Variants in SDK2 observed in about 807,000 individuals in gnomAD.
SDK2 encodes protein sidekick-2.
In SDK2, 105 loss-of-function variants were observed where a neutral mutation model predicts 253.9. That is an observed-to-expected ratio of 0.41 (90% CI 0.35 to 0.49). The LOEUF (loss-of-function observed/expected upper bound fraction) is 0.49. Ranked by LOEUF, SDK2 falls within the 20% of genes least tolerant of loss-of-function variation. The pLI, the probability that SDK2 is intolerant of heterozygous loss-of-function variation, is 0.06. For synonymous variants in SDK2, 1,249 were observed against 1,234.9 expected (o/e 1.01, Z -0.24); for missense variants, 2,608 against 3,003.0 (o/e 0.87, Z 3.07).
At chr17:73,340,244 T>G (rs1337532069) in intron 44 of SDK2, among the ~76,000 whole-genome samples, 1 of 152,200 alleles carries the variant, frequency 6.6e-6, no homozygotes, top group Admixed American at 6.5e-5. Flanking sequence ...ACTCAGTGCA[T>G]TAGGACCGTC....
chr17:73,574,432 T>TGCACGC (rs1203000023), intron 1 of SDK2, among the ~76,000 whole-genome samples: 1 of 152,252 alleles, frequency 6.6e-6, no homozygotes, highest in African/African-American at 2.4e-5. Context: ...CATGTGTACG[T>TGCACGC]GCACACACAA....
intron 40 of SDK2, chr17:73,357,619 G>A (rs1372160638): frequency 3.5e-6 from 1 of 288,504 alleles, no homozygotes; most frequent in Non-Finnish European, 6.6e-6. Context: ...GGCTTTGGAA[G>A]TTCTTGTGAT....
chr17:73,545,199 T>C (rs1430707580), intron 1 of SDK2, among the ~76,000 whole-genome samples: 1 of 151,706 alleles, frequency 6.6e-6, no homozygotes, highest in Non-Finnish European at 1.5e-5. Flanking sequence ...TCCCCTCCCC[T>C]GGAAATCCCT....
chr17:73,343,319 C>T (rs191953311), intron 44 of SDK2, among the ~76,000 whole-genome samples: 8 of 152,370 alleles, frequency 5.3e-5, no homozygotes, highest in African/African-American at 9.6e-5. Context: ...CCTCTTCCCC[C>T]GCTCCGCCTT....
At chr17:73,581,998 G>T (rs2045540980) in intron 1 of SDK2, among the ~76,000 whole-genome samples, 3 of 152,350 alleles carry the variant, frequency 2.0e-5, no homozygotes, top group Middle Eastern at 3.4e-3. Flanking sequence ...CCCAGGGTGA[G>T]ACTTGGGACT....
chr17:73,380,882 AAGG>A lies in SDK2; in HGVS notation c.4762+9_4762+11del, dbSNP rs1488093612. On this transcript the variant is annotated intron_variant, in intron 34 of 44. Transcript: ENST00000392650. ...TGGGCCCGCGATGAAGCCACCATGCAAGGAGACTTACTGTCCAGCTCGTACTGC... is the reference window on the plus strand; with the variant it reads ...TGGGCCCGCGATGAAGCCACCATGCAAGACTTACTGTCCAGCTCGTACTGC... 1 of 1,562,714 alleles carries A rather than the reference AAGG, an allele frequency of 6.4e-7. No individual in the cohort carries two copies.
intron 1 of SDK2, among the ~76,000 whole-genome samples, chr17:73,579,991 GA>G (rs59008482): frequency 0.17 from 21,942 of 127,098 alleles, 1,813 homozygotes; most frequent in East Asian, 0.37. Context: ...AAAGAAAAAA[GA>G]AAAAAAAAAA....
chr17:73,604,079 CG>C (rs1425338342), intron 1 of SDK2, among the ~76,000 whole-genome samples: 3 of 152,246 alleles, frequency 2.0e-5, no homozygotes, highest in African/African-American at 7.2e-5. Context: ...AGGGAACGCC[CG>C]CGCCGGGCAG....
At chr17:73,392,768 G>A (rs889542201) in intron 27 of SDK2, among the ~76,000 whole-genome samples, 1 of 152,102 alleles carries the variant, frequency 6.6e-6, no homozygotes, top group African/African-American at 2.4e-5. Context: ...GGGGGCGTGT[G>A]CGGGGAGATA....
intron 27 of SDK2, among the ~76,000 whole-genome samples, chr17:73,392,769 C>T (rs1405693116): frequency 3.3e-5 from 5 of 151,438 alleles, no homozygotes; most frequent in Admixed American, 2.6e-4. Flanking sequence ...GGGGCGTGTG[C>T]GGGGAGATAG....
In SDK2 at chr17:73,379,274, C is replaced by T. The variant is rs774277102; in HGVS notation, c.4883G>A (p.Arg1628His). The change falls in exon 36 of 45, where the codon CGT becomes CAT. Residue 1628 changes from arginine to histidine, a missense_variant. Physicochemically the swap from Arg to His is conservative, Grantham distance 29. Transcript: ENST00000392650. This position sits in a 1 kb window ranked among gnomAD's most constrained non-coding sequence, Gnocchi z 4.5. ...VGEAVPTAAPRNVVVHGATAT... is the reference protein window; with the variant it reads ...VGEAVPTAAPHNVVVHGATAT... ...CGTGGCGCCGTGGACGACCACGTTA[C>T]GAGGTGCTGCTGTGGGCACTGGAGG... The T allele has an allele frequency of 2.7e-5, 42 of 1,554,072 alleles. No homozygotes were observed. The highest frequency in any genetic ancestry group is 1.7e-4 in the Middle Eastern group (1 of 6,024).
chr17:73,549,246 G>A (rs2045016982), intron 1 of SDK2, among the ~76,000 whole-genome samples: 1 of 152,226 alleles, frequency 6.6e-6, no homozygotes, highest in African/African-American at 2.4e-5. Context: ...GAAGAGAGGA[G>A]GCAATTGCCT....
At chr17:73,342,498 C>T (rs1362865547) in intron 44 of SDK2, among the ~76,000 whole-genome samples, 4 of 152,196 alleles carry the variant, frequency 2.6e-5, no homozygotes, top group East Asian at 1.9e-4. Flanking sequence ...GGGTCCATCC[C>T]GCCCAGGAAC....
chr17:73,369,341 C>G (rs534036015), intron 36 of SDK2: 86 of 276,282 alleles, frequency 3.1e-4, no homozygotes, highest in African/African-American at 1.7e-3. Flanking sequence ...TCAGGGCCAC[C>G]CCGGGCCCGC....
chr17:73,482,213 T>G (rs992078195), intron 2 of SDK2, among the ~76,000 whole-genome samples: 9 of 151,910 alleles, frequency 5.9e-5, no homozygotes, highest in Admixed American at 1.3e-4. Context: ...AGTTGGAGGT[T>G]GCAGTGAGCC....
rs752194038 is a variant in SDK2 at position 73,368,474 on chromosome 17, C to T, written c.5100G>A (p.Val1700=). 2 of 1,609,332 alleles carry T rather than the reference C, an allele frequency of 1.2e-6. No individual in the cohort carries two copies. The highest frequency in any genetic ancestry group is 1.7e-6 in the Non-Finnish European group (2 of 1,178,140). The change falls in exon 37 of 45, where the codon GTG becomes GTA. Residue 1700 remains valine (V), a synonymous_variant. Transcript: ENST00000392650. ...LTGYTAYMVS[V]AAFNAAGDGP... The stretch of plus-strand genomic sequence containing the variant: ...CATCCCCAGCGGCGTTGAAGGCGGC[C>T]ACGCTGACCATGTAGGCCGTGTAGC...
chr17:73,407,524 G>A (rs577712701), intron 18 of SDK2, among the ~76,000 whole-genome samples: 62 of 152,070 alleles, frequency 4.1e-4, no homozygotes, highest in Non-Finnish European at 7.4e-4. Context: ...ACAGAAAGAC[G>A]TCCCCCTCCA....
intron 32 of SDK2, among the ~76,000 whole-genome samples, chr17:73,384,356 C>T (rs2062855621): frequency 1.3e-5 from 2 of 152,294 alleles, no homozygotes; most frequent in South Asian, 2.1e-4. Context: ...TTGTTCACCT[C>T]CTTTGTCTTC....
rs549214375 is a variant in SDK2, at chr17:73,391,356, A to T, written c.3997+84T>A. ...AGGCTCCCTGGACCTACTCTCCCTCAAGCTGGTAACGAAGTGGCCTCCTTT... is the reference window on the plus strand; with the variant it reads ...AGGCTCCCTGGACCTACTCTCCCTCTAGCTGGTAACGAAGTGGCCTCCTTT... On this transcript the variant is annotated intron_variant, in intron 28 of 44. Coordinates refer to ENST00000392650, the MANE Select transcript of SDK2 (RefSeq NM_001144952.2). 13 of 703,300 alleles carry T rather than the reference A, an allele frequency of 1.8e-5. No individual in the cohort carries two copies. The South Asian group carries it at 9.4e-4, about 51-fold the overall frequency. The allele number at this position is 703,300 out of a possible 1,614,324, so 43.6% of individuals were successfully genotyped here.
Sources: gnomAD v4.1 joint callset for allele counts (sites outside exome capture counted in the v4.1 genomes callset) on GRCh38, gnomAD v4.1.1 for gene constraint, Gnocchi (gnomAD v3.1) non-coding constraint, MANE v1.5 for transcripts, NCBI Gene and HGNC (gene_info 2026-07-23, HGNC 2026-07-21) for gene names.